MAP3K14: variants seen among roughly 807,000 people sequenced by gnomAD.
The protein encoded by MAP3K14 is NF-kappa-beta-inducing kinase.
MAP3K14 carries 16 observed loss-of-function variants against 99.2 expected under a neutral mutation model. That is an observed-to-expected ratio of 0.16 (90% CI 0.11 to 0.24). The LOEUF (loss-of-function observed/expected upper bound fraction) is 0.24, where lower values mean the gene tolerates loss of function less well. Ranked by LOEUF, MAP3K14 falls within the 10% of genes least tolerant of loss-of-function variation. The pLI is 1.00. For missense variants in MAP3K14, 784 were observed against 1,208.7 expected (o/e 0.65, Z 5.21); for synonymous variants, 462 against 492.4 (o/e 0.94, Z 0.82).
chr17:45,271,273 C>T (rs1015841356), intron 9 of MAP3K14, 52 bp from the exon 10 acceptor site: 5 of 1,533,156 alleles, frequency 3.3e-6, no homozygotes, highest in African/African-American at 1.4e-5. Context: ...TGGGCAGGAG[C>T]CTAGGCAATG....
In MAP3K14 at chr17:45,267,712, G is replaced by A. The variant is rs11867907; in HGVS notation, c.2020C>T (p.His674Tyr). The A allele has an allele frequency of 1.2e-3, 1,886 of 1,613,610 alleles. 18 individuals carry two copies. The African/African-American group carries it at 0.021, about 18-fold the overall frequency. ...TAATTGGCTTGATTTGGCGGTGGAT[G>A]TCTTGGTTCTTTATATTCTCCCCTC... ...PWRGEYKEPR[H>Y]PPPNQANYHQ... is the part of the protein sequence containing the mutation. The change falls in exon 12 of 16, where the codon CAT becomes TAT. Residue 674 changes from histidine (H) to tyrosine (Y), a missense_variant. By Grantham distance (83) the His-to-Tyr change is moderately conservative. Around this residue, in one of 5 missense-constraint regions of MAP3K14, gnomAD observed 128 missense variants for 143.3 expected, o/e 0.89. Transcript: ENST00000344686. This position sits in a 1 kb window ranked among gnomAD's most constrained non-coding sequence, Gnocchi z 5.1.
Position 45,271,067 on chromosome 17 carries a change from G to A in MAP3K14, c.1812C>T (p.Leu604=). ...GGGTGCCGTCACCGACCTTGAGGCAGAGCGGCCCTCGGAAGAACTGAGTCC... is the reference window on the plus strand; with the variant it reads ...GGGTGCCGTCACCGACCTTGAGGCAAAGCGGCCCTCGGAAGAACTGAGTCC... ...HPWTQFFRGP[L]CLKIASEPPP... Residue 604 remains leucine (L), a synonymous_variant, in exon 10 of 16, where the codon CTC becomes CTT. Coordinates refer to ENST00000344686, the MANE Select transcript of MAP3K14 (RefSeq NM_003954.5). 1.2e-6 allele frequency: 2 copies of A among 1,612,796 alleles called. No homozygotes were observed. The highest frequency in any genetic ancestry group is 1.7e-6 in the Non-Finnish European group (2 of 1,179,704).
chr17:45,297,546 C>G (rs926716018), intron 1 of MAP3K14, among the ~76,000 whole-genome samples: 2 of 152,132 alleles, frequency 1.3e-5, no homozygotes, highest in African/African-American at 4.8e-5. Context: ...CACACATACA[C>G]AAACAGGAGT....
chr17:45,298,705 G>T (rs1346549276), intron 1 of MAP3K14, among the ~76,000 whole-genome samples: 1 of 152,238 alleles, frequency 6.6e-6, no homozygotes, highest in Non-Finnish European at 1.5e-5. Context: ...ATGCGTGGCA[G>T]TTCCTGGGCA....
chr17:45,316,906 A>G (rs2044540641), intron 1 of MAP3K14, 54 bp downstream of exon 1: 1 of 151,984 alleles, frequency 6.6e-6, no homozygotes, highest in African/African-American at 2.4e-5. Flanking sequence ...GATCCATCCC[A>G]GCCGCTCCCT....
intron 6 of MAP3K14, among the ~76,000 whole-genome samples, chr17:45,280,437 G>A (rs113772413): frequency 6.7e-6 from 1 of 150,252 alleles, no homozygotes; most frequent in Non-Finnish European, 1.5e-5. Flanking sequence ...CTGAGTAGCT[G>A]AGATTACAGG....
rs2044151823 is a variant in MAP3K14, at chr17:45,272,986, C to A, written c.1657+517G>T. On this transcript the variant is annotated intron_variant, in intron 9 of 15. Coordinates refer to ENST00000344686, the MANE Select transcript of MAP3K14 (RefSeq NM_003954.5). This position sits in a 1 kb window ranked among gnomAD's most constrained non-coding sequence, Gnocchi z 4.1. ...TGTGATTCTCTCTCTGGGTAAGAGA[C>A]ATGGTGAGAATTCTGTTCTCTGCCT... Among the ~76,000 whole-genome samples, 1 of 152,194 alleles carries A rather than the reference C, an allele frequency of 6.6e-6. No individual in the cohort carries two copies. The highest frequency in any genetic ancestry group is 2.1e-4 in the South Asian group (1 of 4,830).
intron 2 of MAP3K14, among the ~76,000 whole-genome samples, chr17:45,290,251 A>G (rs1598257752): frequency 6.6e-6 from 1 of 151,918 alleles, no homozygotes; most frequent in Non-Finnish European, 1.5e-5. Flanking sequence ...CTCGTCTGTT[A>G]CCTCTCTTCC....
At chr17:45,273,698 G>C (rs2044157536) in intron 8 of MAP3K14, 91 bp from the exon 9 acceptor site, 1 of 930,270 alleles carries the variant, frequency 1.1e-6, no homozygotes, top group South Asian at 1.4e-5. Flanking sequence ...CTCCAGTGAT[G>C]TAATTTTCTG....
chr17:45,301,224 GA>G (rs2044385769), intron 1 of MAP3K14, among the ~76,000 whole-genome samples: 2 of 151,478 alleles, frequency 1.3e-5, no homozygotes, highest in African/African-American at 2.4e-5. Context: ...AACACTTTGG[GA>G]GGCCGAGGCA....
intron 9 of MAP3K14, among the ~76,000 whole-genome samples, chr17:45,273,289 C>G (rs1025281872): frequency 2.0e-5 from 3 of 152,120 alleles, no homozygotes; most frequent in African/African-American, 7.2e-5. Context: ...CCCTTCTCTT[C>G]CCTGTGTACA....
At chr17:45,309,351 C>T (rs545953876) in intron 1 of MAP3K14, among the ~76,000 whole-genome samples, 5 of 152,320 alleles carry the variant, frequency 3.3e-5, no homozygotes, top group South Asian at 2.1e-4. Context: ...CACTGGGCTG[C>T]GCATGGTGGC....
intron 6 of MAP3K14, among the ~76,000 whole-genome samples, chr17:45,275,133 C>A (rs1001515085): frequency 1.4e-5 from 2 of 148,090 alleles, no homozygotes; most frequent in African/African-American, 2.5e-5. Flanking sequence ...AGTGAGACTC[C>A]GTCTCAAAAA....
chr17:45,266,786 G>A, intron 13 of MAP3K14, 105 bp from the exon 14 acceptor site: 1 of 1,307,292 alleles, frequency 7.6e-7, no homozygotes, highest in Non-Finnish European at 1.0e-6. Context: ...GCCCTCAGCT[G>A]GAGGAGGGTA....
chr17:45,287,155 T>G lies in MAP3K14; in HGVS notation c.536A>C (p.Gln179Pro). Residue 179 changes from glutamine (Q) to proline (P), a missense_variant and splice_region_variant, in exon 4 of 16, where the codon CAG becomes CCG. Physicochemically the swap from Gln to Pro is moderately conservative, Grantham distance 76. Transcript: ENST00000344686. ...TGGGCAGTGGGTGGAGGGTCTCACC[T>G]GCACTGGGATGGTGCAGCTCTCCTG... is the stretch of plus-strand genomic sequence containing the variant. ...PEQESCTIPV[Q>P]EDESPLGAPY... is the part of the protein sequence containing the mutation. The G allele has an allele frequency of 6.2e-7, 1 of 1,613,064 alleles. No homozygotes were observed. Among genetic ancestry groups the G allele is most frequent in the Non-Finnish European group, 8.5e-7 (1 of 1,179,282 alleles).
At chr17:45,289,125 G>A (rs1244115664) in intron 3 of MAP3K14, 111 bp downstream of exon 3, 3 of 845,820 alleles carry the variant, frequency 3.5e-6, no homozygotes, top group South Asian at 3.2e-5. Context: ...TGAACCACAG[G>A]TGCTGAGGGA....
intron 1 of MAP3K14, among the ~76,000 whole-genome samples, chr17:45,294,399 T>C (rs1202660348): frequency 6.6e-6 from 1 of 152,222 alleles, no homozygotes; most frequent in Non-Finnish European, 1.5e-5. Context: ...CCTCTGGGCA[T>C]AGCTGTATGA....
At position 45,286,527 on chromosome 17, in the gene MAP3K14, G is replaced by C; in HGVS notation, c.1056C>G (p.Ser352Arg). 1 of 1,609,042 alleles carries C rather than the reference G, an allele frequency of 6.2e-7. No homozygotes were observed. ...QGSVSSGQAH[S>R]LTSLAKTWAA... ...CCCAGGTCTTGGCCAGGCTGGTCAG[G>C]CTGTGGGCCTGGCCTGAGCTCACGC... The change falls in exon 5 of 16, where the codon AGC becomes AGG. Residue 352 changes from serine (S) to arginine (R), a missense_variant. Ser to Arg is a moderately radical substitution (Grantham distance 110). Coordinates refer to ENST00000344686, the MANE Select transcript of MAP3K14 (RefSeq NM_003954.5). This position sits in a 1 kb window ranked among gnomAD's most constrained non-coding sequence, Gnocchi z 4.1.
At chr17:45,265,288 CA>C in intron 14 of MAP3K14, 25 bp from the exon 15 acceptor site, 1 of 1,523,018 alleles carries the variant, frequency 6.6e-7, no homozygotes, top group Non-Finnish European at 9.1e-7. Flanking sequence ...AGGTGATAGT[CA>C]GGAGAGCGGC....
Sources: gnomAD v4.1 joint callset for allele counts (sites outside exome capture counted in the v4.1 genomes callset) on GRCh38, gnomAD v4.1.1 for gene constraint, gnomAD v4.1.1 regional missense constraint, Gnocchi (gnomAD v3.1) non-coding constraint, MANE v1.5 for transcripts, NCBI Gene and HGNC (gene_info 2026-07-23, HGNC 2026-07-21) for gene names.